LRMDA: variants seen among roughly 807,000 people sequenced by gnomAD.
LRMDA encodes leucine rich melanocyte differentiation associated, also known as leucine-rich melanocyte differentiation-associated protein.
A neutral mutation model predicts 29.8 loss-of-function variants in LRMDA; 18 were observed. The ratio of observed to expected loss-of-function variants is 0.60; its 90% CI spans 0.42 to 0.90. LRMDA has a LOEUF of 0.90. Ranked by LOEUF, LRMDA falls within the 40% of genes least tolerant of loss-of-function variation. The pLI, the probability that LRMDA is intolerant of heterozygous loss-of-function variation, is 0.00. For missense variants in LRMDA, 273 were observed against 273.9 expected, an observed-to-expected ratio of 1.00 and a Z score of 0.02; for synonymous variants, 125 against 109.4, an observed-to-expected ratio of 1.14 and a Z score of -0.89.
intron 5 of LRMDA, among the ~76,000 whole-genome samples, chr10:76,240,807 CATATATATGTATATATATACACAT>C (rs1852261104): frequency 5.5e-5 from 1 of 18,224 alleles, no homozygotes; most frequent in African/African-American, 1.5e-4. Flanking sequence ...GATAGATACA[CATATATATGTATATATATACACAT>C]ACATATATAT....
At chr10:76,014,125 A>ATT (rs1491265057) in intron 2 of LRMDA, among the ~76,000 whole-genome samples, 1 of 125,698 alleles carries the variant, frequency 8.0e-6, no homozygotes, top group African/African-American at 3.1e-5. Flanking sequence ...TATATATATA[A>ATT]TTATATATAT....
chr10:75,738,385 C>A (rs1842791091), intron 2 of LRMDA, among the ~76,000 whole-genome samples: 1 of 152,146 alleles, frequency 6.6e-6, no homozygotes, highest in Non-Finnish European at 1.5e-5. Context: ...CCTTTCCCTG[C>A]CTCACTATTG....
At chr10:76,550,420 A>G (rs961623907) in intron 6 of LRMDA, among the ~76,000 whole-genome samples, 6 of 152,170 alleles carry the variant, frequency 3.9e-5, no homozygotes, top group Admixed American at 2.0e-4. Flanking sequence ...AACAGGAAGC[A>G]TGGTTTGAAG....
intron 5 of LRMDA, among the ~76,000 whole-genome samples, chr10:76,149,203 A>C (rs1162651211): frequency 5.3e-5 from 8 of 152,246 alleles, no homozygotes; most frequent in African/African-American, 1.4e-4. Flanking sequence ...ACAAAGCAGT[A>C]GATTACTGTA....
intron 2 of LRMDA, among the ~76,000 whole-genome samples, chr10:75,533,990 C>T (rs563249958): frequency 2.6e-5 from 4 of 152,260 alleles, no homozygotes; most frequent in South Asian, 2.1e-4. Flanking sequence ...GTTAGGGTAG[C>T]GTTCGGGGCA....
chr10:75,681,412 T>G (rs1842021196), intron 2 of LRMDA, among the ~76,000 whole-genome samples: 1 of 152,230 alleles, frequency 6.6e-6, no homozygotes, highest in South Asian at 2.1e-4. Context: ...CCTCATTTAT[T>G]CTCTTGCTGA....
At chr10:76,206,819 G>T (rs1851545715) in intron 5 of LRMDA, among the ~76,000 whole-genome samples, 1 of 152,172 alleles carries the variant, frequency 6.6e-6, no homozygotes, top group Non-Finnish European at 1.5e-5. Context: ...CACTGAGGTT[G>T]GTTCCCTGTG....
At chr10:75,539,799 A>T (rs1839994296) in intron 2 of LRMDA, among the ~76,000 whole-genome samples, 1 of 152,040 alleles carries the variant, frequency 6.6e-6, no homozygotes, top group Non-Finnish European at 1.5e-5. Flanking sequence ...CTCTGGCTGT[A>T]TTTAGATTTC....
intron 6 of LRMDA, among the ~76,000 whole-genome samples, chr10:76,494,346 G>A (rs1474357539): frequency 1.4e-5 from 2 of 143,946 alleles, no homozygotes; most frequent in East Asian, 2.0e-4. Context: ...TTTTTTAAAT[G>A]ACTGTTAATG....
At chr10:75,458,191 A>T (rs1844542885) in intron 2 of LRMDA, among the ~76,000 whole-genome samples, 1 of 152,234 alleles carries the variant, frequency 6.6e-6, no homozygotes, top group South Asian at 2.1e-4. Context: ...CCTGTAGAAG[A>T]TATACTGAAA....
chr10:75,792,144 G>T (rs1349372139), intron 2 of LRMDA, among the ~76,000 whole-genome samples: 2 of 152,000 alleles, frequency 1.3e-5, no homozygotes, highest in African/African-American at 4.8e-5. Context: ...GAGCCACCTT[G>T]CCCGGCCCCA....
chr10:75,510,425 G>A (rs556474097), intron 2 of LRMDA, among the ~76,000 whole-genome samples: 7 of 152,328 alleles, frequency 4.6e-5, no homozygotes, highest in Non-Finnish European at 8.8e-5. Flanking sequence ...GGACTTGTAT[G>A]TTACACACTG....
intron 2 of LRMDA, among the ~76,000 whole-genome samples, chr10:75,597,072 C>T (rs1249207198): frequency 6.6e-6 from 1 of 150,660 alleles, no homozygotes; most frequent in Non-Finnish European, 1.5e-5. Context: ...GTCCCGTGTT[C>T]CTTATTTGGC....
intron 6 of LRMDA, among the ~76,000 whole-genome samples, chr10:76,546,371 G>T (rs570267857): frequency 1.3e-5 from 2 of 152,252 alleles, no homozygotes; most frequent in South Asian, 4.2e-4. Flanking sequence ...CTCAGTTGTG[G>T]TCACTATGAT....
At chr10:75,755,121 A>G (rs564795840) in intron 2 of LRMDA, among the ~76,000 whole-genome samples, 2 of 152,274 alleles carry the variant, frequency 1.3e-5, no homozygotes, top group East Asian at 3.9e-4. Flanking sequence ...GACACCATAA[A>G]AATAACTTCT....
intron 5 of LRMDA, among the ~76,000 whole-genome samples, chr10:76,316,270 G>A (rs1840697097): frequency 6.6e-6 from 1 of 152,160 alleles, no homozygotes; most frequent in South Asian, 2.1e-4. Context: ...GCATTCCCTG[G>A]TGCCCATGGT....
intron 6 of LRMDA, among the ~76,000 whole-genome samples, chr10:76,363,631 C>G (rs940027426): frequency 3.3e-5 from 5 of 152,070 alleles, no homozygotes; most frequent in African/African-American, 1.2e-4. Flanking sequence ...TTTGCTTACT[C>G]TTTCTCTGCC....
At chr10:76,195,903 T>A (rs1851323687) in intron 5 of LRMDA, among the ~76,000 whole-genome samples, 1 of 152,234 alleles carries the variant, frequency 6.6e-6, no homozygotes, top group Non-Finnish European at 1.5e-5. Context: ...CTAAGGTTAT[T>A]ATTAAAGACA....
intron 2 of LRMDA, among the ~76,000 whole-genome samples, chr10:75,675,056 CAG>C (rs1841943689): frequency 6.6e-6 from 1 of 152,156 alleles, no homozygotes; most frequent in Admixed American, 6.5e-5. Context: ...GTGTATTGAT[CAG>C]AGTTTTCAAT....
Sources: gnomAD v4.1 joint callset for allele counts (sites outside exome capture counted in the v4.1 genomes callset) on GRCh38, gnomAD v4.1.1 for gene constraint, MANE v1.5 for transcripts, NCBI Gene and HGNC (gene_info 2026-07-23, HGNC 2026-07-21) for gene names.